WNK1: variants seen among roughly 807,000 people sequenced by gnomAD.
The protein encoded by WNK1 is WNK lysine deficient protein kinase 1, also known as serine/threonine-protein kinase WNK1.
A neutral mutation model predicts 222.8 loss-of-function variants in WNK1; 38 were observed. The ratio of observed to expected loss-of-function variants is 0.17; its 90% CI spans 0.13 to 0.22. WNK1 has a LOEUF of 0.22. Ranked by LOEUF, WNK1 falls within the 10% of genes least tolerant of loss-of-function variation. The probability of loss-of-function intolerance (pLI) is 1.00; values close to 1 mark genes in which losing one functional copy is unlikely to be tolerated. For missense variants in WNK1, 2,348 were observed against 2,918.4 expected (o/e 0.80, Z 4.50); for synonymous variants, 1,090 against 1,092.9 (o/e 1.00, Z 0.05).
At chr12:786,340 TA>T (rs1944302830) in intron 1 of WNK1, among the ~76,000 whole-genome samples, 1 of 152,230 alleles carries the variant, frequency 6.6e-6, no homozygotes, top group African/African-American at 2.4e-5. Context: ...GTTATATACG[TA>T]AATAATTGTA....
rs774260019 is a variant in WNK1 at position 762,807 on chromosome 12, C to T, written c.759+8483C>T. On this transcript the variant is annotated intron_variant, in intron 1 of 27. Coordinates refer to ENST00000315939, the MANE Select transcript of WNK1 (RefSeq NM_018979.4). ...TTGTTGCCCAGCTGGAGTGCAATGG[C>T]GCGATCTCGGCTCACCACAACATTT... 4.1e-5 allele frequency among the ~76,000 whole-genome samples: 6 copies of T among 146,396 alleles called. 1 individual carries two copies. The highest frequency in any genetic ancestry group is 9.2e-5 in the Non-Finnish European group (6 of 65,508).
chr12:827,351 T>G lies in WNK1; in HGVS notation c.1153+89T>G. On this transcript the variant is annotated intron_variant, in intron 3 of 27. Coordinates refer to ENST00000315939, the MANE Select transcript of WNK1 (RefSeq NM_018979.4). The surrounding 1 kb of genome is among the most constrained non-coding windows in gnomAD (Gnocchi z 4.6). ...GGCTCTGTCAGAGTTTTAAGTGATA[T>G]AAACCTTAAGAAATTCATAGCTTGA... 1.7e-6 allele frequency: 2 copies of G among 1,183,220 alleles called. No homozygotes were observed. Among genetic ancestry groups the G allele is most frequent in the Non-Finnish European group, 2.5e-6 (2 of 792,354 alleles). 73.3% of individuals were successfully genotyped at this position (1,183,220 alleles called of 1,614,324 possible). A position where few individuals can be genotyped will look rare whatever the true frequency, so the allele number is the denominator to read the frequency against.
chr12:898,482 C>CA (rs374726378), intron 25 of WNK1, among the ~76,000 whole-genome samples: 912 of 76,574 alleles, frequency 0.012, 3 homozygotes, highest in Non-Finnish European at 0.016. Flanking sequence ...GACTCTGTCT[C>CA]AAAAAAAAAA....
At chr12:781,292 T>C (rs1013249059) in intron 1 of WNK1, 13 of 153,132 alleles carry the variant, frequency 8.5e-5, no homozygotes, top group African/African-American at 2.9e-4. Flanking sequence ...GGGAAAATAC[T>C]GTTTACTGCC....
At chr12:795,872 T>G (rs1361180490) in intron 1 of WNK1, among the ~76,000 whole-genome samples, 1 of 152,144 alleles carries the variant, frequency 6.6e-6, no homozygotes, top group Non-Finnish European at 1.5e-5. Context: ...TCCATTGGCT[T>G]AACAAGTATC....
intron 23 of WNK1, among the ~76,000 whole-genome samples, chr12:895,650 G>C (rs928631014): frequency 6.6e-6 from 1 of 151,962 alleles, no homozygotes; most frequent in Non-Finnish European, 1.5e-5. Context: ...GTAGAGACAG[G>C]GTTTCACCAC....
At chr12:821,398 T>C (rs912527427) in intron 2 of WNK1, among the ~76,000 whole-genome samples, 1 of 152,344 alleles carries the variant, frequency 6.6e-6, no homozygotes, top group East Asian at 1.9e-4. Context: ...AGGATTTGTG[T>C]TAATTCTCCT....
chr12:807,336 T>G (rs964823247), intron 1 of WNK1, among the ~76,000 whole-genome samples: 1 of 151,774 alleles, frequency 6.6e-6, no homozygotes, highest in African/African-American at 2.4e-5. Context: ...GTCCTCCCTC[T>G]TTTGCTTTTA....
chr12:777,890 G>A (rs1480763221), intron 1 of WNK1, among the ~76,000 whole-genome samples: 1 of 152,132 alleles, frequency 6.6e-6, no homozygotes, highest in East Asian at 1.9e-4. Context: ...TGGTAGATTC[G>A]TCATATTAAA....
Position 754,425 on chromosome 12 carries a change from G to A in WNK1, c.759+101G>A, listed in dbSNP as rs72647376. On this transcript the variant is annotated intron_variant, in intron 1 of 27. Transcript: ENST00000315939. ...ACCCTTCACTTGGCATTCTCTGTTG[G>A]ACTCCGAGTGGGACGGGGAGGCCAA... 7,794 of 1,504,328 alleles carry A rather than the reference G, an allele frequency of 5.2e-3. 29 individuals carry two copies. Among genetic ancestry groups the A allele is most frequent in the Non-Finnish European group, 6.3e-3 (6,807 of 1,085,868 alleles). The allele number at this position is 1,504,328 out of a possible 1,614,324, so 93.2% of individuals were successfully genotyped here. A position where few individuals can be genotyped will look rare whatever the true frequency, so the allele number is the denominator to read the frequency against.
intron 4 of WNK1, among the ~76,000 whole-genome samples, chr12:843,137 G>A (rs1265903580): frequency 2.6e-5 from 4 of 152,024 alleles, no homozygotes; most frequent in South Asian, 2.1e-4. Context: ...GGGTTTTACC[G>A]TGTTAGTCAG....
chr12:803,459 A>G (rs1946070251), intron 1 of WNK1, among the ~76,000 whole-genome samples: 1 of 152,232 alleles, frequency 6.6e-6, no homozygotes, highest in Non-Finnish European at 1.5e-5. Context: ...AGAGAAGAAT[A>G]GTGGTATTAT....
At chr12:865,742 A>C (rs1236878844) in intron 8 of WNK1, among the ~76,000 whole-genome samples, 1 of 152,098 alleles carries the variant, frequency 6.6e-6, no homozygotes, top group African/African-American at 2.4e-5. Flanking sequence ...CATTACCCAA[A>C]CATTTTTTCT....
intron 22 of WNK1, among the ~76,000 whole-genome samples, chr12:892,075 T>A (rs12810885): frequency 2.2e-4 from 33 of 151,054 alleles, no homozygotes; most frequent in Admixed American, 1.1e-3. Flanking sequence ...TTTTTTTTTT[T>A]AATTTTATTA....
rs773462361 is a variant in WNK1, at chr12:911,354, G to A, written c.*2562G>A. ...TGTACATTTTGCACTAACTCTGGGTGTTGCGCTTCTTGTAAGATTGCGCTT... is the reference window on the plus strand; with the variant it reads ...TGTACATTTTGCACTAACTCTGGGTATTGCGCTTCTTGTAAGATTGCGCTT... On this transcript the variant is annotated 3_prime_UTR_variant, in exon 28 of 28. Coordinates refer to ENST00000315939, the MANE Select transcript of WNK1 (RefSeq NM_018979.4). The A allele has an allele frequency of 3.5e-4, 139 of 398,622 alleles. No individual in the cohort carries two copies. The highest frequency in any genetic ancestry group is 1.1e-3 in the Admixed American group (24 of 22,734). The allele number at this position is 398,622 out of a possible 1,614,324, so 24.7% of individuals were successfully genotyped here.
At chr12:852,934 G>A (rs772236843) in intron 4 of WNK1, among the ~76,000 whole-genome samples, 1 of 152,082 alleles carries the variant, frequency 6.6e-6, no homozygotes, top group Non-Finnish European at 1.5e-5. Context: ...GTATATGCTT[G>A]CTTCTTAAAT....
At chr12:860,783 G>C (rs1029625001) in intron 6 of WNK1, among the ~76,000 whole-genome samples, 1 of 152,088 alleles carries the variant, frequency 6.6e-6, no homozygotes, top group Non-Finnish European at 1.5e-5. Flanking sequence ...CCTACCCTTC[G>C]AGTTTCTGCA....
intron 9 of WNK1, among the ~76,000 whole-genome samples, chr12:875,430 C>CTTCA (rs10680710): frequency 0.045 from 6,922 of 152,214 alleles, 392 homozygotes; most frequent in African/African-American, 0.13. Flanking sequence ...CCTGCAAAGA[C>CTTCA]TTCAGCTCAT....
In WNK1 at chr12:885,338, A is replaced by T. The variant is rs746802809; in HGVS notation, c.4534A>T (p.Ser1512Cys). 1.9e-6 allele frequency: 3 copies of T among 1,614,036 alleles called. No homozygotes were observed. The highest frequency in any genetic ancestry group is 2.7e-5 in the African/African-American group (2 of 74,938). ...ASQLCIQLSSSTSTPTLAETV... is the reference protein window; with the variant it reads ...ASQLCIQLSSCTSTPTLAETV... Reference sequence around the variant, plus strand: ...ACAGCTGTGCATTCAGCTTAGCAGCAGTACTTCTACTCCTACTTTAGCTGA... The same window carrying T: ...ACAGCTGTGCATTCAGCTTAGCAGCTGTACTTCTACTCCTACTTTAGCTGA... The change falls in exon 19 of 28, where the codon AGT becomes TGT. Residue 1512 changes from serine to cysteine, a missense_variant. Transcript: ENST00000315939.
Sources: gnomAD v4.1 joint callset for allele counts (sites outside exome capture counted in the v4.1 genomes callset) on GRCh38, gnomAD v4.1.1 for gene constraint, Gnocchi (gnomAD v3.1) non-coding constraint, MANE v1.5 for transcripts, NCBI Gene and HGNC (gene_info 2026-07-23, HGNC 2026-07-21) for gene names.